APOOL: variants seen among roughly 807,000 people sequenced by gnomAD.
APOOL encodes the protein apolipoprotein O like, also known as MICOS complex subunit MIC27.
APOOL carries 12 observed loss-of-function variants against 23.1 expected under a neutral mutation model. The observed-to-expected ratio is 0.52, with a 90% CI of 0.33 to 0.84. The LOEUF (loss-of-function observed/expected upper bound fraction) is 0.84. APOOL is among the 40% of genes least tolerant of loss of function. APOOL has a pLI of 0.02. For missense variants in APOOL, 212 were observed against 199.6 expected (o/e 1.06, Z -0.37); for synonymous variants, 77 against 69.9 (o/e 1.10, Z -0.51).
At chrX:85,017,311 C>G (rs1444905261) in intron 1 of APOOL, among the ~76,000 whole-genome samples, 2 of 111,408 alleles carry the variant, frequency 1.8e-5, no homozygotes, top group African/African-American at 6.5e-5. Flanking sequence ...AAAGGACTCA[C>G]CCAGCTCCCA....
At chrX:85,024,228 G>A (rs1396684653) in intron 1 of APOOL, among the ~76,000 whole-genome samples, 2 of 111,990 alleles carry the variant, frequency 1.8e-5, no homozygotes, top group Admixed American at 9.5e-5. Context: ...TGCTTTCACA[G>A]TTCAAGGAGC....
At position 85,088,401 on chromosome X, in the gene APOOL, T is replaced by G. The variant is rs1451422131; in HGVS notation, c.*723T>G. 1.1e-5 allele frequency: 1 copy of G among 95,014 alleles called. No individual in the cohort carries two copies. The highest frequency in any genetic ancestry group is 3.5e-4 in the East Asian group (1 of 2,839). 7.8% of individuals were successfully genotyped at this position (95,014 alleles called of 1,213,427 possible). The stretch of plus-strand genomic sequence containing the variant: ...ATGTTTTATGGGACTTGAGCTTGGC[T>G]TTGTCCCTTGGTTTTGTTAATGTTA... On this transcript the variant is annotated 3_prime_UTR_variant, in exon 9 of 9. Transcript: ENST00000373173.
intron 1 of APOOL, among the ~76,000 whole-genome samples, chrX:85,032,755 A>G (rs1250163441): frequency 9.0e-6 from 1 of 111,527 alleles, no homozygotes; most frequent in Non-Finnish European, 1.9e-5. Context: ...ATGCTTTACC[A>G]TTAATATTGT....
At chrX:85,077,863 A>G (rs1444543614) in intron 8 of APOOL, among the ~76,000 whole-genome samples, 1 of 111,796 alleles carries the variant, frequency 8.9e-6, no homozygotes, top group Non-Finnish European at 1.9e-5. Flanking sequence ...GCATTTTTTC[A>G]TGTGTCTGTT....
intron 5 of APOOL, among the ~76,000 whole-genome samples, chrX:85,065,470 T>C (rs112181297): frequency 1.9e-4 from 21 of 111,992 alleles, no homozygotes; most frequent in African/African-American, 6.8e-4. Flanking sequence ...TGCTTCATAG[T>C]GTCATTGGTC....
intron 5 of APOOL, among the ~76,000 whole-genome samples, chrX:85,057,862 G>A (rs1408893002): frequency 1.8e-5 from 2 of 110,085 alleles, no homozygotes; most frequent in African/African-American, 6.6e-5. Flanking sequence ...AAATTTTGAA[G>A]GAAATTGTCC....
At chrX:85,039,054 T>A (rs753712837) in intron 1 of APOOL, among the ~76,000 whole-genome samples, 22 of 110,993 alleles carry the variant, frequency 2.0e-4, no homozygotes, top group African/African-American at 6.9e-4. Flanking sequence ...CTATAAACTT[T>A]CCTCTTAATA....
chrX:85,078,816 A>G (rs1165574629), intron 8 of APOOL, among the ~76,000 whole-genome samples: 1 of 111,246 alleles, frequency 9.0e-6, no homozygotes, highest in East Asian at 2.8e-4. Flanking sequence ...ATCCCTTGTA[A>G]GTTGAATTCC....
At chrX:85,020,484 A>G (rs1391833761) in intron 1 of APOOL, among the ~76,000 whole-genome samples, 1 of 111,327 alleles carries the variant, frequency 9.0e-6, no homozygotes, top group African/African-American at 3.3e-5. Context: ...AGGCCCCCAC[A>G]GCTCCAGACT....
intron 5 of APOOL, among the ~76,000 whole-genome samples, chrX:85,066,066 C>G (rs1768739793): frequency 9.0e-6 from 1 of 110,983 alleles, no homozygotes; most frequent in Non-Finnish European, 1.9e-5. Context: ...TTTTCCCTTC[C>G]CTAAACTGCA....
At chrX:85,051,625 A>G (rs1922784417) in intron 3 of APOOL, 117 bp downstream of exon 3, 2 of 904,722 alleles carry the variant, frequency 2.2e-6, no homozygotes, top group Admixed American at 3.0e-5. Flanking sequence ...CAACCATTAT[A>G]TTACATCTTA....
chrX:85,039,267 G>A (rs1017489881), intron 1 of APOOL, among the ~76,000 whole-genome samples: 5 of 109,805 alleles, frequency 4.6e-5, no homozygotes, highest in Non-Finnish European at 9.5e-5. Flanking sequence ...GTCTGAGAAT[G>A]TGATTGGCAT....
At chrX:85,004,454 C>G (rs1039819024) in intron 1 of APOOL, among the ~76,000 whole-genome samples, 1 of 111,610 alleles carries the variant, frequency 9.0e-6, no homozygotes, top group Non-Finnish European at 1.9e-5. Flanking sequence ...TCGAGTTTTA[C>G]GCTTGGGAAA....
chrX:85,079,907 G>A (rs1385903490), intron 8 of APOOL, among the ~76,000 whole-genome samples: 2 of 111,697 alleles, frequency 1.8e-5, no homozygotes, highest in Admixed American at 9.5e-5. Context: ...TCTGATGGTA[G>A]TTTGTATTTC....
Position 85,088,970 on chromosome X carries a change from G to T in APOOL, c.*1292G>T, listed in dbSNP as rs1924454344. The T allele has an allele frequency of 1.8e-5, 2 of 111,507 alleles. No individual in the cohort carries two copies. Among genetic ancestry groups the T allele is most frequent in the Admixed American group, 1.9e-4 (2 of 10,489 alleles). The allele number at this position is 111,507 out of a possible 1,213,427, so 9.2% of individuals were successfully genotyped here. On this transcript the variant is annotated 3_prime_UTR_variant, in exon 9 of 9. Coordinates refer to ENST00000373173, the MANE Select transcript of APOOL (RefSeq NM_198450.6). ...TTTCCTTAACTTGGCCTCTTCCCTTGAACTATTTTTTCTCTCTCCTTCCTA... is the reference window on the plus strand; with the variant it reads ...TTTCCTTAACTTGGCCTCTTCCCTTTAACTATTTTTTCTCTCTCCTTCCTA...
At chrX:85,011,278 A>G (rs1442021120) in intron 1 of APOOL, among the ~76,000 whole-genome samples, 1 of 109,949 alleles carries the variant, frequency 9.1e-6, no homozygotes, top group Non-Finnish European at 1.9e-5. Context: ...ATTTTCTCCC[A>G]CTCTGTTGGT....
At chrX:85,044,682 T>G (rs1165051493) in intron 1 of APOOL, among the ~76,000 whole-genome samples, 1 of 111,653 alleles carries the variant, frequency 9.0e-6, no homozygotes, top group Non-Finnish European at 1.9e-5. Flanking sequence ...TTTATTACCT[T>G]ACAGAGTAAA....
chrX:85,025,491 C>T (rs1011479362), intron 1 of APOOL, among the ~76,000 whole-genome samples: 28 of 112,033 alleles, frequency 2.5e-4, no homozygotes, highest in Non-Finnish European at 3.2e-4. Context: ...ATTGCAAAGT[C>T]CAAAGTCTTA....
intron 1 of APOOL, among the ~76,000 whole-genome samples, chrX:85,008,102 AT>A (rs984115203): frequency 5.5e-5 from 6 of 110,032 alleles, no homozygotes; most frequent in African/African-American, 1.6e-4. Flanking sequence ...GGGTTTATGT[AT>A]TTTTTTTTCT....
Sources: allele counts gnomAD v4.1 joint callset (sites outside exome capture counted in the v4.1 genomes callset), GRCh38; gene constraint gnomAD v4.1.1; transcripts MANE v1.5; gene names NCBI Gene and HGNC (gene_info 2026-07-23, HGNC 2026-07-21).